OTC: variants seen among roughly 807,000 people sequenced by gnomAD.
OTC encodes ornithine transcarbamylase, mitochondrial.
In OTC, 3 loss-of-function variants were observed where a neutral mutation model predicts 30.3. That is an observed-to-expected ratio of 0.10 (90% CI 0.05 to 0.26). OTC has a LOEUF of 0.26. Ranked by LOEUF, OTC falls within the 10% of genes least tolerant of loss-of-function variation. The probability of loss-of-function intolerance (pLI) is 1.00; values close to 1 mark genes in which losing one functional copy is unlikely to be tolerated. For missense variants in OTC, 194 were observed against 260.3 expected, an observed-to-expected ratio of 0.75 and a Z score of 1.75; for synonymous variants, 111 against 99.7, an observed-to-expected ratio of 1.11 and a Z score of -0.67.
chrX:38,409,610 G>A (rs1204901596), intron 8 of OTC, among the ~76,000 whole-genome samples: 2 of 112,138 alleles, frequency 1.8e-5, no homozygotes, highest in Non-Finnish European at 3.8e-5. Flanking sequence ...GTAGGTCAGG[G>A]TGAAACCTGA....
chrX:38,366,540 T>C (rs930685314), intron 1 of OTC, among the ~76,000 whole-genome samples: 3 of 112,061 alleles, frequency 2.7e-5, no homozygotes, highest in Non-Finnish European at 3.8e-5. Context: ...TTAATAATAA[T>C]AGCTAAAAGT....
the OTC span, among the ~76,000 whole-genome samples, chrX:38,341,509 C>A: frequency 9.0e-6 from 1 of 111,701 alleles, no homozygotes; most frequent in Non-Finnish European, 1.9e-5. Context: ...TTTCCATGTC[C>A]CCTGTTGCTT....
chrX:38,416,207 G>A (rs2147348274), intron 9 of OTC, among the ~76,000 whole-genome samples: 1 of 111,940 alleles, frequency 8.9e-6, no homozygotes, highest in East Asian at 2.8e-4. Context: ...AAGCAGAAGT[G>A]TCCTCTTTCA....
intron 4 of OTC, chrX:38,396,026 C>A (rs1362769304): frequency 3.7e-5 from 4 of 107,813 alleles, no homozygotes; most frequent in Non-Finnish European, 7.7e-5. Context: ...AGCTGGAGTG[C>A]AATGCAGCCT....
At chrX:38,351,815 C>T (rs180936134), upstream of OTC, among the ~76,000 whole-genome samples, 95 of 111,454 alleles carry the variant, frequency 8.5e-4, 1 homozygote, top group African/African-American at 2.6e-3. Context: ...GGCTGGAGTA[C>T]AGTGGTGCAA....
chrX:38,385,036 G>T (rs1473956422), intron 4 of OTC, among the ~76,000 whole-genome samples: 1 of 111,521 alleles, frequency 9.0e-6, no homozygotes, highest in African/African-American at 3.3e-5. Flanking sequence ...AAGCCGAGGG[G>T]CTGGGGGAAT....
At chrX:38,411,652 C>T (rs905637396) in intron 8 of OTC, among the ~76,000 whole-genome samples, 2 of 105,252 alleles carry the variant, frequency 1.9e-5, no homozygotes, top group East Asian at 3.0e-4. Context: ...GGTGACAGAG[C>T]GAGACTCTGT....
intron 3 of OTC, among the ~76,000 whole-genome samples, chrX:38,375,190 A>G (rs1282553320): frequency 8.9e-6 from 1 of 112,171 alleles, no homozygotes; most frequent in Non-Finnish European, 1.9e-5. Flanking sequence ...ACAATAAACA[A>G]CAGACATAAT....
intron 4 of OTC, among the ~76,000 whole-genome samples, chrX:38,401,062 G>A (rs188467500): frequency 4.5e-5 from 5 of 111,727 alleles, no homozygotes; most frequent in African/African-American, 1.3e-4. Context: ...ATGTAAAATC[G>A]CTGGTCACTG....
At chrX:38,340,459 G>GTTT in the OTC span, among the ~76,000 whole-genome samples, 343 of 60,239 alleles carry the variant, frequency 5.7e-3, 1 homozygote, top group Non-Finnish European at 7.5e-3. Context: ...TTGTTTTTTT[G>GTTT]TTTTTTTTTT....
At chrX:38,339,023 T>C in the OTC span, among the ~76,000 whole-genome samples, 1 of 112,202 alleles carries the variant, frequency 8.9e-6, no homozygotes, top group Admixed American at 9.4e-5. Context: ...TACTTTACAC[T>C]AAGACTCACA....
chrX:38,374,695 C>G (rs2068337240), intron 3 of OTC, among the ~76,000 whole-genome samples: 1 of 111,373 alleles, frequency 9.0e-6, no homozygotes, highest in Non-Finnish European at 1.9e-5. Context: ...GACTTATCAT[C>G]AAAGAAAGAG....
chrX:38,404,851 C>T (rs746688828), intron 6 of OTC, among the ~76,000 whole-genome samples: 7 of 111,290 alleles, frequency 6.3e-5, no homozygotes, highest in Admixed American at 2.9e-4. Context: ...ATTGAGAGTC[C>T]GGGCAAACCA....
In OTC at chrX:38,369,783, C is replaced by G. The variant is rs1465869489; in HGVS notation, c.217-13C>G. 3.8e-6 allele frequency: 4 copies of G among 1,045,720 alleles called. No individual in the cohort carries two copies. Among genetic ancestry groups the G allele is most frequent in the Non-Finnish European group, 5.3e-6 (4 of 749,443 alleles). The allele number at this position is 1,045,720 out of a possible 1,213,427, so 86.2% of individuals were successfully genotyped here. ...AGATATATTTTAATTCTATTCTTGT[C>G]CTTGATTTATAGTATTTGCCTTTAT... is the stretch of plus-strand genomic sequence containing the variant. On this transcript the variant is annotated splice_polypyrimidine_tract_variant and intron_variant, in intron 2 of 9. Coordinates refer to ENST00000039007, the MANE Select transcript of OTC (RefSeq NM_000531.6).
At position 38,403,628 on chromosome X, in the gene OTC, G is replaced by C; in HGVS notation, c.551G>C (p.Ser184Thr). 2.5e-6 allele frequency: 3 copies of C among 1,209,651 alleles called. No homozygotes were observed. Among genetic ancestry groups the C allele is most frequent in the Non-Finnish European group, 2.2e-6 (2 of 893,548 alleles). The part of the protein sequence containing the change: ...ADYLTLQEHY[S>T]SLKGLTLSWI... ...TCCCGTGCCTTTTAGGAACACTATA[G>C]CTCTCTGAAAGGTCTTACCCTCAGC... Residue 184 changes from serine to threonine, a missense_variant, in exon 6 of 10, where the codon AGC (serine) becomes ACC (threonine). Ser to Thr is a moderately conservative substitution (Grantham distance 58, BLOSUM62 1). Transcript: ENST00000039007.
At position 38,369,981 on chromosome X, in the gene OTC, C is replaced by A. The variant is rs2068316084; in HGVS notation, c.298+104C>A. 4 of 519,683 alleles carry A rather than the reference C, an allele frequency of 7.7e-6. No homozygotes were observed. The Admixed American group carries it at 8.3e-5, about 11-fold the overall frequency. The allele number at this position is 519,683 out of a possible 1,213,427, so 42.8% of individuals were successfully genotyped here. Reference sequence around the variant, plus strand: ...GGGATTTGTCTGCCTCTAGCAACCACAAAGAAAAAATCATTTTTACTGGGA... The same window carrying A: ...GGGATTTGTCTGCCTCTAGCAACCAAAAAGAAAAAATCATTTTTACTGGGA... On this transcript the variant is annotated intron_variant, in intron 3 of 9. Coordinates refer to ENST00000039007, the MANE Select transcript of OTC (RefSeq NM_000531.6).
chrX:38,382,328 A>G (rs991236404), intron 4 of OTC, among the ~76,000 whole-genome samples: 1 of 112,142 alleles, frequency 8.9e-6, no homozygotes. Context: ...TCTGGCTAAA[A>G]AATCCAGAGC....
At chrX:38,361,421 A>G (rs1398477820) in intron 1 of OTC, among the ~76,000 whole-genome samples, 1 of 112,479 alleles carries the variant, frequency 8.9e-6, no homozygotes. Context: ...GGCTGTAGAT[A>G]TACAGCCAGA....
upstream of OTC, chrX:38,352,402 C>T (rs1273305125): frequency 6.8e-6 from 2 of 295,204 alleles, no homozygotes; most frequent in Non-Finnish European, 1.2e-5. Context: ...TTTGTACATG[C>T]GTGTGACAGT....
Sources: allele counts gnomAD v4.1 joint callset (sites outside exome capture counted in the v4.1 genomes callset), GRCh38; gene constraint gnomAD v4.1.1; transcripts MANE v1.5; gene names NCBI Gene and HGNC (gene_info 2026-07-23, HGNC 2026-07-21).